The following ZMYM4 variants were observed in gnomAD, a reference collection of about 807,000 sequenced individuals.
The protein encoded by ZMYM4 is zinc finger MYM-type protein 4.
Under a neutral mutation model 183.2 loss-of-function variants are expected in ZMYM4, and 31 were observed. The ratio of observed to expected loss-of-function variants is 0.17; its 90% confidence interval spans 0.13 to 0.23. ZMYM4 has a LOEUF of 0.23. Ranked by LOEUF, ZMYM4 falls within the 10% of genes least tolerant of loss-of-function variation. The probability of loss-of-function intolerance (pLI) is 1.00; values close to 1 mark genes in which losing one functional copy is unlikely to be tolerated. For synonymous variants in ZMYM4, 592 were observed against 631.2 expected, an observed-to-expected ratio of 0.94 and a Z score of 0.93; for missense variants, 1,273 against 1,840.3, an observed-to-expected ratio of 0.69 and a Z score of 5.64.
intron 9 of ZMYM4, among the ~76,000 whole-genome samples, chr1:35,385,159 A>G (rs895239656): frequency 6.6e-6 from 1 of 152,074 alleles, no homozygotes; most frequent in Non-Finnish European, 1.5e-5. Context: ...TACTTTTTCA[A>G]TGAAATAGAA....
chr1:35,347,888 A>G (rs937591937), intron 2 of ZMYM4, among the ~76,000 whole-genome samples: 1 of 152,164 alleles, frequency 6.6e-6, no homozygotes, highest in African/African-American at 2.4e-5. Flanking sequence ...TGAAATACTG[A>G]CATGTAATAA....
chr1:35,406,979 C>G (rs1645013443), intron 25 of ZMYM4, among the ~76,000 whole-genome samples: 3 of 152,154 alleles, frequency 2.0e-5, no homozygotes, highest in Non-Finnish European at 4.4e-5. Flanking sequence ...ATGATCTGCT[C>G]CCACCTGCCC....
At chr1:35,385,733 C>A in intron 10 of ZMYM4, 141 bp downstream of exon 10, 2 of 1,001,262 alleles carry the variant, frequency 2.0e-6, no homozygotes, top group East Asian at 3.0e-5. Context: ...CACCTGTTAC[C>A]TTGATTGCTT....
chr1:35,377,541 A>G (rs552215964), intron 7 of ZMYM4, among the ~76,000 whole-genome samples: 15 of 152,362 alleles, frequency 9.8e-5, no homozygotes, highest in South Asian at 4.1e-4. Flanking sequence ...AATTAGCTCA[A>G]TAAAGCAATT....
Position 35,387,570 on chromosome 1 carries a change from G to C in ZMYM4, c.2229G>C (p.Arg743=). 6.2e-7 allele frequency: 1 copy of C among 1,613,322 alleles called. No homozygotes were observed. The highest frequency in any genetic ancestry group is 8.5e-7 in the Non-Finnish European group (1 of 1,179,786). ...KIEKIVKETV[R]FSGADKSFCS... Reference sequence around the variant, plus strand: ...AGAAAATTGTAAAGGAGACTGTTCGGTTCTCAGGTGCTGACAAGTCATTCT... The same window carrying C: ...AGAAAATTGTAAAGGAGACTGTTCGCTTCTCAGGTGCTGACAAGTCATTCT... Residue 743 remains arginine (R), a synonymous_variant, in exon 13 of 30, where the codon CGG becomes CGC. Transcript: ENST00000314607.
chr1:35,370,819 A>C (rs1203828584), intron 7 of ZMYM4, 192 bp downstream of exon 7: 1 of 619,434 alleles, frequency 1.6e-6, no homozygotes, highest in African/African-American at 2.2e-5. Context: ...CTAGGTGCTC[A>C]GCTTGTTTTT....
intron 1 of ZMYM4, among the ~76,000 whole-genome samples, chr1:35,315,462 G>A (rs573821693): frequency 1.3e-5 from 2 of 152,226 alleles, no homozygotes; most frequent in South Asian, 2.1e-4. Flanking sequence ...GACAATAAGT[G>A]TACCTACAGC....
Position 35,419,712 on chromosome 1 carries a change from G to C in ZMYM4, c.*35G>C. ...GAGGTTCTTATTTTCATACATATTG[G>C]TATGCACCAAACTGTGAATGCATCC... On this transcript the variant is annotated 3_prime_UTR_variant, in exon 30 of 30. Coordinates refer to ENST00000314607, the MANE Select transcript of ZMYM4 (RefSeq NM_005095.3). The C allele has an allele frequency of 6.2e-7, 1 of 1,605,316 alleles. No individual in the cohort carries two copies. Among genetic ancestry groups the C allele is most frequent in the South Asian group, 1.1e-5 (1 of 90,410 alleles).
chr1:35,326,347 T>A (rs899785408), intron 2 of ZMYM4, among the ~76,000 whole-genome samples: 1 of 151,996 alleles, frequency 6.6e-6, no homozygotes, highest in African/African-American at 2.4e-5. Context: ...TTACCCAGTT[T>A]TTGGTGAATC....
chr1:35,392,771 CCTT>C (rs796395831), intron 17 of ZMYM4, 87 bp downstream of exon 17: 69 of 962,384 alleles, frequency 7.2e-5, no homozygotes, highest in African/African-American at 2.8e-4. Context: ...AATTTGCCCT[CCTT>C]CTTTATTATA....
intron 5 of ZMYM4, chr1:35,366,121 CTA>C (rs1189374476): frequency 1.3e-5 from 2 of 152,040 alleles, no homozygotes; most frequent in Admixed American, 1.3e-4. Context: ...CTTTAATACA[CTA>C]TATAATGAAG....
At chr1:35,372,260 A>G (rs889455028) in intron 7 of ZMYM4, among the ~76,000 whole-genome samples, 12 of 152,214 alleles carry the variant, frequency 7.9e-5, no homozygotes, top group Non-Finnish European at 1.5e-4. Flanking sequence ...TAAAAAATAT[A>G]TCTTTGAGTT....
At position 35,315,187 on chromosome 1, in the gene ZMYM4, G is replaced by A. The variant is rs577479725; in HGVS notation, c.40-10173G>A. Reference sequence around the variant, plus strand: ...CAGGTTATTGTAGCTATTCAAACAAGTTTTTTCATTAAAATATATAATGTA... The same window carrying A: ...CAGGTTATTGTAGCTATTCAAACAAATTTTTTCATTAAAATATATAATGTA... On this transcript the variant is annotated intron_variant, in intron 1 of 29. Transcript: ENST00000314607. Among the ~76,000 whole-genome samples, 122 of 150,860 alleles carry A rather than the reference G, an allele frequency of 8.1e-4. 2 individuals are homozygous for A. In the South Asian group the frequency reaches 0.025, roughly 30 times the overall value.
At chr1:35,333,250 T>C (rs1287268805) in intron 2 of ZMYM4, among the ~76,000 whole-genome samples, 1 of 132,320 alleles carries the variant, frequency 7.6e-6, no homozygotes, top group Non-Finnish European at 1.6e-5. Flanking sequence ...AATCTGATCA[T>C]ACATGATTTT....
chr1:35,295,069 A>C (rs4542182), intron 1 of ZMYM4, among the ~76,000 whole-genome samples: 10,031 of 152,320 alleles, frequency 0.066, 977 homozygotes, highest in East Asian at 0.45. Flanking sequence ...AGTAATGAAT[A>C]AAATGGAGAA....
chr1:35,276,311 CCTT>C (rs1234072428), intron 1 of ZMYM4, among the ~76,000 whole-genome samples: 1 of 135,964 alleles, frequency 7.4e-6, no homozygotes, highest in Non-Finnish European at 1.5e-5. Context: ...TTTCCTTCCT[CCTT>C]CCTTCCTTTT....
chr1:35,351,050 T>G, intron 2 of ZMYM4: 1 of 853,150 alleles, frequency 1.2e-6, no homozygotes, highest in Non-Finnish European at 2.0e-6. Context: ...GCCTTCTCAA[T>G]AGGTTTGGCA....
intron 26 of ZMYM4, among the ~76,000 whole-genome samples, chr1:35,411,598 G>C (rs1387429794): frequency 1.3e-5 from 2 of 152,146 alleles, no homozygotes; most frequent in African/African-American, 4.8e-5. Context: ...GAAATTCTAT[G>C]TCAATTTTAG....
chr1:35,371,770 T>G (rs1644219749), intron 7 of ZMYM4, among the ~76,000 whole-genome samples: 1 of 152,170 alleles, frequency 6.6e-6, no homozygotes, highest in East Asian at 1.9e-4. Context: ...TAAAAGAAAT[T>G]TAAATATGGT....
Sources: allele counts gnomAD v4.1 joint callset (sites outside exome capture counted in the v4.1 genomes callset), GRCh38; gene constraint gnomAD v4.1.1; transcripts MANE v1.5; gene names NCBI Gene and HGNC (gene_info 2026-07-23, HGNC 2026-07-21).